ELOVL5: variants seen among roughly 807,000 people sequenced by gnomAD.
ELOVL5 encodes ELOVL fatty acid elongase 5, also known as very long chain fatty acid elongase 5.
ELOVL5 carries 8 observed loss-of-function variants against 38.6 expected under a neutral mutation model. That is an observed-to-expected ratio of 0.21 (90% confidence interval 0.12 to 0.37). The LOEUF (loss-of-function observed/expected upper bound fraction) is 0.37. Ranked by LOEUF, ELOVL5 falls within the 10% of genes least tolerant of loss-of-function variation. The pLI is 1.00. For missense variants in ELOVL5, 280 were observed against 367.8 expected (o/e 0.76, Z 1.95); for synonymous variants, 127 against 133.7 (o/e 0.95, Z 0.34).
At chr6:53,328,428 TCAAGAGG>T (rs1405670945) in intron 1 of ELOVL5, among the ~76,000 whole-genome samples, 2 of 152,150 alleles carry the variant, frequency 1.3e-5, no homozygotes, top group African/African-American at 4.8e-5. Context: ...TAGAGTAAAA[TCAAGAGG>T]AGGCTAATGC....
At chr6:53,269,341 G>A in intron 7 of ELOVL5, 71 bp from the exon 8 acceptor site, 5 of 1,290,614 alleles carry the variant, frequency 3.9e-6, no homozygotes, top group Non-Finnish European at 5.2e-6. Context: ...ACTGAGAATT[G>A]CATCCCTAAC....
At position 53,306,746 on chromosome 6, in the gene ELOVL5, A is replaced by G. The variant is rs758942061; in HGVS notation, c.-8-11039T>C. Among the ~76,000 whole-genome samples, 8 of 152,212 alleles carry G rather than the reference A, an allele frequency of 5.3e-5. No individual in the cohort carries two copies. The South Asian group carries it at 1.2e-3, about 24-fold the overall frequency. On this transcript the variant is annotated intron_variant, in intron 1 of 7. Transcript: ENST00000304434. ...AAAATTACTCTTGTAGAGTTTTATCATCTTAAAGCTGCCAACTTAATTTTC... is the reference window on the plus strand; with the variant it reads ...AAAATTACTCTTGTAGAGTTTTATCGTCTTAAAGCTGCCAACTTAATTTTC...
Position 53,331,504 on chromosome 6 carries a change from T to G in ELOVL5, c.-9+17313A>C, listed in dbSNP as rs559940849. ...ACCAACATCTCCACAAACACATAAGTAATACACTGCCCTAGGACATTAAGA... is the reference window on the plus strand; with the variant it reads ...ACCAACATCTCCACAAACACATAAGGAATACACTGCCCTAGGACATTAAGA... On this transcript the variant is annotated intron_variant, in intron 1 of 7. Transcript: ENST00000304434. 3.3e-5 allele frequency among the ~76,000 whole-genome samples: 5 copies of G among 152,254 alleles called. No homozygotes were observed. In the South Asian group the frequency reaches 1.0e-3, roughly 32 times the overall value.
At chr6:53,302,439 C>T (rs1372523886) in intron 1 of ELOVL5, among the ~76,000 whole-genome samples, 1 of 152,118 alleles carries the variant, frequency 6.6e-6, no homozygotes, top group Admixed American at 6.6e-5. Context: ...GTGGCAACAA[C>T]GGAAGGAGGT....
At chr6:53,325,862 A>C (rs957533804) in intron 1 of ELOVL5, among the ~76,000 whole-genome samples, 1 of 152,232 alleles carries the variant, frequency 6.6e-6, no homozygotes, top group Non-Finnish European at 1.5e-5. Flanking sequence ...GCATGTGTTA[A>C]ACATTCCACT....
chr6:53,315,280 C>T (rs1767984143), intron 1 of ELOVL5, among the ~76,000 whole-genome samples: 1 of 152,118 alleles, frequency 6.6e-6, no homozygotes, highest in South Asian at 2.1e-4. Flanking sequence ...CATAGGGACT[C>T]CACCCTCATG....
At chr6:53,303,557 A>G (rs1464502169) in intron 1 of ELOVL5, among the ~76,000 whole-genome samples, 7 of 152,136 alleles carry the variant, frequency 4.6e-5, no homozygotes, top group African/African-American at 1.4e-4. Context: ...ACACAGCTCT[A>G]TTTGGGGTTT....
Position 53,273,304 on chromosome 6 carries a change from G to A in ELOVL5, c.537C>T (p.Leu179=). ...GATLNSFIHV[L]MYSYYGLSSV... is the part of the protein sequence containing the mutation. ...ACGACAAACCATAGTAAGAGTACAT[G>A]AGGACGTGGATGAAGCTATTAAGTG... The change falls in exon 6 of 8, where the codon CTC becomes CTT. Residue 179 remains leucine (L), a synonymous_variant. Transcript: ENST00000304434. The A allele has an allele frequency of 1.9e-6, 3 of 1,613,656 alleles. No individual in the cohort carries two copies. Among genetic ancestry groups the A allele is most frequent in the Non-Finnish European group, 2.5e-6 (3 of 1,179,644 alleles).
chr6:53,301,350 G>A (rs1700231320), intron 1 of ELOVL5, among the ~76,000 whole-genome samples: 1 of 152,144 alleles, frequency 6.6e-6, no homozygotes, highest in Non-Finnish European at 1.5e-5. Context: ...TACTAGCAGG[G>A]ACCAAGCCCA....
chr6:53,288,010 G>A lies in ELOVL5; in HGVS notation c.246+3766C>T, dbSNP rs1766638460. ...AGGTCTGAGGCACAGCAGGAGAAGA[G>A]TAGACACATTGAATGGCTTCACATG... On this transcript the variant is annotated intron_variant, in intron 3 of 7. Transcript: ENST00000304434. 1.3e-5 allele frequency: 17 copies of A among 1,300,470 alleles called. No homozygotes were observed. In the Admixed American group the frequency reaches 2.2e-4, roughly 17 times the overall value. The allele number at this position is 1,300,470 out of a possible 1,614,324, so 80.6% of individuals were successfully genotyped here. A position where few individuals can be genotyped will look rare whatever the true frequency, so the allele number is the denominator to read the frequency against.
chr6:53,324,452 G>T (rs1049031577), intron 1 of ELOVL5, among the ~76,000 whole-genome samples: 20 of 151,920 alleles, frequency 1.3e-4, no homozygotes, highest in African/African-American at 4.8e-4. Context: ...AAGACAGGCA[G>T]ATCGTTTGAG....
At chr6:53,270,497 C>G (rs766517550) in intron 7 of ELOVL5, 96 bp downstream of exon 7, 1 of 1,397,592 alleles carries the variant, frequency 7.2e-7, no homozygotes. Flanking sequence ...GAGCCTGTCA[C>G]CCAGCAAGGG....
intron 1 of ELOVL5, among the ~76,000 whole-genome samples, chr6:53,314,243 T>A (rs1767949717): frequency 6.6e-6 from 1 of 152,232 alleles, no homozygotes; most frequent in African/African-American, 2.4e-5. Flanking sequence ...TCATTTCAAT[T>A]CTCTGCAAGT....
At chr6:53,321,615 C>T (rs967681113) in intron 1 of ELOVL5, among the ~76,000 whole-genome samples, 13 of 152,288 alleles carry the variant, frequency 8.5e-5, no homozygotes, top group Admixed American at 7.2e-4. Flanking sequence ...AATGTTCCCA[C>T]TTGCAAGGTC....
chr6:53,269,369 G>C (rs1053767665), intron 7 of ELOVL5, 99 bp from the exon 8 acceptor site: 3 of 669,982 alleles, frequency 4.5e-6, no homozygotes, highest in Non-Finnish European at 6.5e-6. Flanking sequence ...CTAGTTTCAA[G>C]ATCAAATCTT....
chr6:53,310,017 G>A (rs1767765165), intron 1 of ELOVL5, among the ~76,000 whole-genome samples: 1 of 152,140 alleles, frequency 6.6e-6, no homozygotes, highest in Admixed American at 6.5e-5. Flanking sequence ...ATAGATAAAA[G>A]CCTTAGAAAT....
At chr6:53,293,191 A>G (rs1766841680) in intron 2 of ELOVL5, among the ~76,000 whole-genome samples, 1 of 152,142 alleles carries the variant, frequency 6.6e-6, no homozygotes, top group Non-Finnish European at 1.5e-5. Flanking sequence ...TGGCTCCTCA[A>G]TCTTAACTAC....
chr6:53,348,924 T>G lies in ELOVL5; in HGVS notation c.-116A>C, dbSNP rs757383449. ...AGGCGGATGTAGAAGGAGACACCGG[T>G]GGCTAGGACCCGCGCGATGGGAAGA... On this transcript the variant is annotated 5_prime_UTR_variant, in exon 1 of 8. Transcript: ENST00000304434. 4.5e-6 allele frequency: 2 copies of G among 445,422 alleles called. No individual in the cohort carries two copies. Among genetic ancestry groups the G allele is most frequent in the Admixed American group, 4.9e-5 (2 of 41,008 alleles). 27.6% of individuals were successfully genotyped at this position (445,422 alleles called of 1,614,324 possible). A position where few individuals can be genotyped will look rare whatever the true frequency, so the allele number is the denominator to read the frequency against.
intron 1 of ELOVL5, among the ~76,000 whole-genome samples, chr6:53,318,996 T>C (rs209494): frequency 0.55 from 83,456 of 152,062 alleles, 23,704 homozygotes; most frequent in Non-Finnish European, 0.62. Flanking sequence ...AAATATCTGA[T>C]CTGCAGGCCG....
Sources: allele counts gnomAD v4.1 joint callset (sites outside exome capture counted in the v4.1 genomes callset), GRCh38; gene constraint gnomAD v4.1.1; transcripts MANE v1.5; gene names NCBI Gene and HGNC (gene_info 2026-07-23, HGNC 2026-07-21).